The following LUZP2 variants were observed in gnomAD, a reference collection of about 807,000 sequenced individuals.
LUZP2 encodes the protein leucine zipper protein 2.
A neutral mutation model predicts 51.6 loss-of-function variants in LUZP2; 52 were observed. The ratio of observed to expected loss-of-function variants is 1.01; its 90% CI spans 0.81 to 1.27. LUZP2 has a LOEUF of 1.27. Among genes scored for constraint, LUZP2 ranks in the 50% most tolerant of loss-of-function variants. The probability of loss-of-function intolerance (pLI) is 0.00; values close to 1 mark genes in which losing one functional copy is unlikely to be tolerated. For missense variants in LUZP2, 436 were observed against 395.4 expected, an observed-to-expected ratio of 1.10 and a Z score of -0.87; for synonymous variants, 154 against 137.3, an observed-to-expected ratio of 1.12 and a Z score of -0.85.
chr11:24,829,765 GTA>G (rs1229908464), intron 5 of LUZP2, among the ~76,000 whole-genome samples: 1 of 152,196 alleles, frequency 6.6e-6, no homozygotes, highest in East Asian at 1.9e-4. Context: ...GTTCTAGAGA[GTA>G]TGTGTGTTAC....
chr11:24,845,892 C>T (rs1404571102), intron 5 of LUZP2, among the ~76,000 whole-genome samples: 1 of 152,014 alleles, frequency 6.6e-6, no homozygotes, highest in Non-Finnish European at 1.5e-5. Context: ...TTTTTATCAG[C>T]AGTCTGGAAA....
chr11:24,711,128 T>C (rs1309227353), intron 1 of LUZP2, among the ~76,000 whole-genome samples: 3 of 152,288 alleles, frequency 2.0e-5, no homozygotes, highest in East Asian at 3.9e-4. Context: ...TCCAATTCCA[T>C]GTTTAATACA....
At chr11:24,792,379 A>T (rs1424397235) in intron 5 of LUZP2, among the ~76,000 whole-genome samples, 3 of 151,748 alleles carry the variant, frequency 2.0e-5, no homozygotes, top group South Asian at 2.1e-4. Context: ...ATGAGCCAAG[A>T]TTGCACCACT....
rs145089766 is a variant in LUZP2, at chr11:25,062,023, A to G, written c.858+11893A>G. 2.9e-3 allele frequency among the ~76,000 whole-genome samples: 431 copies of G among 146,832 alleles called. 11 individuals carry two copies. The highest frequency in any genetic ancestry group is 0.021 in the Middle Eastern group (6 of 292). ...GCAGTTATTATACAGATGGAAATAT[A>G]TCATTGGAAAGTGACATATCAGTCA... On this transcript the variant is annotated intron_variant, in intron 10 of 11. Transcript: ENST00000336930.
chr11:24,684,875 C>CT (rs1417713622), intron 1 of LUZP2, among the ~76,000 whole-genome samples: 26 of 152,172 alleles, frequency 1.7e-4, no homozygotes. Context: ...TAACATAAAG[C>CT]AATAGTTATT....
Position 24,705,486 on chromosome 11 carries a change from C to T in LUZP2, c.63-23683C>T, listed in dbSNP as rs1857550334. Among the ~76,000 whole-genome samples, 7 of 152,132 alleles carry T rather than the reference C, an allele frequency of 4.6e-5. No individual in the cohort carries two copies. In the South Asian group the frequency reaches 1.4e-3, roughly 31 times the overall value. ...AATGGGGGATTTGGTTTCAATGCTG[C>T]TGAAATTAGACTTTCCTCTGTACAT... is the stretch of plus-strand genomic sequence containing the variant. On this transcript the variant is annotated intron_variant, in intron 1 of 11. Transcript: ENST00000336930.
At chr11:24,827,420 T>C (rs550255715) in intron 5 of LUZP2, among the ~76,000 whole-genome samples, 1 of 152,108 alleles carries the variant, frequency 6.6e-6, no homozygotes, top group Non-Finnish European at 1.5e-5. Flanking sequence ...ATTACCAACA[T>C]TTATGGAACA....
At chr11:24,561,834 A>G (rs1369384376) in intron 1 of LUZP2, among the ~76,000 whole-genome samples, 2 of 151,840 alleles carry the variant, frequency 1.3e-5, no homozygotes, top group South Asian at 2.1e-4. Context: ...TAATAATGAT[A>G]ATAATAAAGA....
In LUZP2 at chr11:24,671,561, T is replaced by TACACACAC. The variant is rs61319296; in HGVS notation, c.63-57585_63-57578dup. On this transcript the variant is annotated intron_variant, in intron 1 of 11. Coordinates refer to ENST00000336930, the MANE Select transcript of LUZP2 (RefSeq NM_001009909.4). ...CACCTAATTATTTTTCTCTCTGTCT[T>TACACACAC]ACACACACACACACACACACACACA... Among the ~76,000 whole-genome samples the TACACACAC allele has an allele frequency of 2.5e-4, 37 of 148,128 alleles. No homozygotes were observed. In the South Asian group the frequency reaches 6.0e-3, roughly 24 times the overall value.
intron 5 of LUZP2, among the ~76,000 whole-genome samples, chr11:24,851,319 T>C (rs1171791440): frequency 2.0e-5 from 3 of 151,944 alleles, no homozygotes; most frequent in African/African-American, 2.4e-5. Flanking sequence ...GTTTTTAGCA[T>C]TGAATTTTGT....
At chr11:24,622,899 T>C (rs1590255878) in intron 1 of LUZP2, among the ~76,000 whole-genome samples, 1 of 152,248 alleles carries the variant, frequency 6.6e-6, no homozygotes, top group Non-Finnish European at 1.5e-5. Flanking sequence ...CTGTCTTTTT[T>C]ACTTTCTAAA....
intron 1 of LUZP2, among the ~76,000 whole-genome samples, chr11:24,592,737 T>C (rs1408683067): frequency 3.3e-5 from 5 of 151,830 alleles, no homozygotes; most frequent in Admixed American, 3.3e-4. Flanking sequence ...CGCTCTTGAT[T>C]GAAATGACAT....
intron 7 of LUZP2, among the ~76,000 whole-genome samples, chr11:24,958,630 T>G (rs1855286510): frequency 6.6e-6 from 1 of 152,078 alleles, no homozygotes; most frequent in Admixed American, 6.6e-5. Context: ...TTTGTTTGAG[T>G]TCATTGTAGA....
chr11:24,946,748 A>G (rs1854911964), intron 7 of LUZP2, among the ~76,000 whole-genome samples: 1 of 151,910 alleles, frequency 6.6e-6, no homozygotes, highest in Non-Finnish European at 1.5e-5. Flanking sequence ...TATTGACCTC[A>G]TTTACAATTT....
At chr11:24,905,298 G>A (rs1853411792) in intron 5 of LUZP2, among the ~76,000 whole-genome samples, 1 of 152,176 alleles carries the variant, frequency 6.6e-6, no homozygotes, top group South Asian at 2.1e-4. Context: ...GGCCGAGGCA[G>A]GCCGATCACC....
chr11:24,738,204 G>A lies in LUZP2; in HGVS notation c.252-17G>A. 2.0e-6 allele frequency: 3 copies of A among 1,532,204 alleles called. No individual in the cohort carries two copies. The highest frequency in any genetic ancestry group is 1.4e-5 in the African/African-American group (1 of 72,928). The allele number at this position is 1,532,204 out of a possible 1,614,324, so 94.9% of individuals were successfully genotyped here. A position where few individuals can be genotyped will look rare whatever the true frequency, so the allele number is the denominator to read the frequency against. On this transcript the variant is annotated splice_polypyrimidine_tract_variant and intron_variant, in intron 3 of 11. Transcript: ENST00000336930. ...TATATTATTTTCTCACTTATGCTCTGTTTTCTACTAAAATAGAGAAGAAAT... is the reference window on the plus strand; with the variant it reads ...TATATTATTTTCTCACTTATGCTCTATTTTCTACTAAAATAGAGAAGAAAT...
At chr11:24,814,829 A>G (rs139971893) in intron 5 of LUZP2, among the ~76,000 whole-genome samples, 4,515 of 152,058 alleles carry the variant, frequency 0.03, 108 homozygotes, top group Middle Eastern at 0.058. Context: ...CTTCTCTACT[A>G]AAAATACAAA....
chr11:24,546,798 GA>G (rs1486063687), intron 1 of LUZP2, among the ~76,000 whole-genome samples: 7 of 152,048 alleles, frequency 4.6e-5, no homozygotes, highest in Admixed American at 3.9e-4. Flanking sequence ...GGATGAGTTA[GA>G]GAGGAGTCCT....
chr11:24,786,346 A>G (rs1252531599), intron 5 of LUZP2: 1 of 982,344 alleles, frequency 1.0e-6, no homozygotes, highest in African/African-American at 1.8e-5. Flanking sequence ...ATTCATGGGC[A>G]TATCTAATAA....
Sources: allele counts gnomAD v4.1 joint callset (sites outside exome capture counted in the v4.1 genomes callset), GRCh38; gene constraint gnomAD v4.1.1; transcripts MANE v1.5; gene names NCBI Gene and HGNC (gene_info 2026-07-23, HGNC 2026-07-21).